Variants in MTURN observed in about 807,000 individuals in gnomAD.
The protein encoded by MTURN is maturin.
MTURN carries 7 observed loss-of-function variants against 14.9 expected under a neutral mutation model. The ratio of observed to expected loss-of-function variants is 0.47; its 90% confidence interval spans 0.27 to 0.88. The LOEUF (loss-of-function observed/expected upper bound fraction) is 0.88, where lower values mean the gene tolerates loss of function less well. Ranked by LOEUF, MTURN falls within the 40% of genes least tolerant of loss-of-function variation. MTURN has a pLI of 0.14. For missense variants in MTURN, 151 were observed against 174.1 expected (o/e 0.87, Z 0.75); for synonymous variants, 69 against 72.5 (o/e 0.95, Z 0.25).
Position 30,135,281 on chromosome 7 carries a change from G to A in MTURN, c.145G>A (p.Gly49Ser), listed in dbSNP as rs1411182190. 2 of 1,524,722 alleles carry A rather than the reference G, an allele frequency of 1.3e-6. No individual in the cohort carries two copies. Among genetic ancestry groups the A allele is most frequent in the East Asian group, 2.8e-5 (1 of 35,508 alleles). 94.4% of individuals were successfully genotyped at this position (1,524,722 alleles called of 1,614,324 possible). ...VSFYVLCPDN[G>S]CGDNFHVWSE... ...CTTCTATGTGCTGTGTCCGGACAAC[G>A]GCTGCGGCGACAATTTTGTGAGTGC... The change falls in exon 1 of 3, where the codon GGC (glycine) becomes AGC (serine). Residue 49 changes from glycine to serine, a missense_variant. By Grantham distance (56) the Gly-to-Ser change is moderately conservative. Coordinates refer to ENST00000324453, the MANE Select transcript of MTURN (RefSeq NM_152793.3).
chr7:30,137,524 G>C (rs952693682), intron 1 of MTURN: 1 of 441,198 alleles, frequency 2.3e-6, no homozygotes, highest in Non-Finnish European at 4.8e-6. Context: ...GCTTGAAAGT[G>C]TCATGTAAAC....
At position 30,159,418 on chromosome 7, in the gene MTURN, A is replaced by G. The variant is rs1286714895; in HGVS notation, c.*1870A>G. 2 of 152,220 alleles carry G rather than the reference A, an allele frequency of 1.3e-5. No individual in the cohort carries two copies. The highest frequency in any genetic ancestry group is 4.8e-5 in the African/African-American group (2 of 41,430). The allele number at this position is 152,220 out of a possible 1,614,324, so 9.4% of individuals were successfully genotyped here. On this transcript the variant is annotated 3_prime_UTR_variant, in exon 3 of 3. Transcript: ENST00000324453. ...TCTGCAAGTGAAATGAGGAAGCTTC[A>G]CTAGCTTGCTCCATTGGAAGGTAAA...
intron 2 of MTURN, among the ~76,000 whole-genome samples, chr7:30,150,838 C>G (rs546794272): frequency 6.6e-6 from 1 of 152,242 alleles, no homozygotes; most frequent in Admixed American, 6.5e-5. Flanking sequence ...TAGATCGGCT[C>G]TGCCCTGTTT....
At chr7:30,143,442 A>G (rs1797084437) in intron 1 of MTURN, among the ~76,000 whole-genome samples, 1 of 144,872 alleles carries the variant, frequency 6.9e-6, no homozygotes, top group African/African-American at 2.6e-5. Flanking sequence ...GCCTTGATTC[A>G]TTTTGAAAGG....
At chr7:30,149,144 T>C (rs2128032503) in intron 2 of MTURN, among the ~76,000 whole-genome samples, 1 of 152,266 alleles carries the variant, frequency 6.6e-6, no homozygotes, top group Middle Eastern at 3.4e-3. Flanking sequence ...CTAGCCACGT[T>C]AAATGAGGAA....
chr7:30,136,824 GGC>G (rs1258799349), intron 1 of MTURN, among the ~76,000 whole-genome samples: 2 of 152,146 alleles, frequency 1.3e-5, no homozygotes, highest in Admixed American at 1.3e-4. Context: ...CCAGCACCCA[GGC>G]GTTCATATAG....
At chr7:30,141,525 G>GT (rs1797053082) in intron 1 of MTURN, 1 of 151,890 alleles carries the variant, frequency 6.6e-6, no homozygotes, top group Non-Finnish European at 1.5e-5. Context: ...TCAGGGTTTT[G>GT]TTTTGGTATT....
Position 30,157,489 on chromosome 7 carries a change from G to A in MTURN, c.337G>A (p.Asp113Asn), listed in dbSNP as rs1339044150. 1.2e-5 allele frequency: 19 copies of A among 1,607,564 alleles called. No individual in the cohort carries two copies. Among genetic ancestry groups the A allele is most frequent in the Non-Finnish European group, 1.4e-5 (17 of 1,177,306 alleles). ...DDDAFEEYSA[D>N]VEEEEPEADH... ...CGATGCGTTTGAAGAGTACAGTGCT[G>A]ACGTGGAAGAAGAGGAGCCAGAGGC... Residue 113 changes from aspartate (D) to asparagine (N), a missense_variant, in exon 3 of 3, where the codon GAC (aspartate) becomes AAC (asparagine). By Grantham distance (23) the Asp-to-Asn change is conservative. Coordinates refer to ENST00000324453, the MANE Select transcript of MTURN (RefSeq NM_152793.3).
intron 1 of MTURN, among the ~76,000 whole-genome samples, chr7:30,139,384 T>C (rs1337575483): frequency 3.3e-5 from 5 of 152,176 alleles, no homozygotes; most frequent in Non-Finnish European, 5.9e-5. Flanking sequence ...TGGCAAACTT[T>C]ACTAACTTTT....
At chr7:30,136,787 A>G (rs907450334) in intron 1 of MTURN, among the ~76,000 whole-genome samples, 18 of 152,148 alleles carry the variant, frequency 1.2e-4, no homozygotes, top group African/African-American at 2.4e-5. Context: ...CTCAGTTTCC[A>G]CATCCAAAAA....
intron 2 of MTURN, among the ~76,000 whole-genome samples, chr7:30,150,364 T>C (rs1797189581): frequency 6.6e-6 from 1 of 152,022 alleles, no homozygotes; most frequent in Non-Finnish European, 1.5e-5. Flanking sequence ...ATTAGAAGGG[T>C]AAGTCAAAAG....
intron 1 of MTURN, 77 bp downstream of exon 1, chr7:30,135,375 G>C: frequency 6.0e-6 from 8 of 1,341,326 alleles, no homozygotes; most frequent in Non-Finnish European, 7.8e-6. Context: ...CCGAGCTCCC[G>C]CGCGGTGGGC....
intron 1 of MTURN, among the ~76,000 whole-genome samples, chr7:30,135,899 A>G (rs2128029065): frequency 6.6e-6 from 1 of 152,306 alleles, no homozygotes; most frequent in South Asian, 2.1e-4. Context: ...GCGATGCCCG[A>G]TCTCCTGGAC....
chr7:30,135,538 C>T (rs1796936219), intron 1 of MTURN, among the ~76,000 whole-genome samples: 1 of 151,736 alleles, frequency 6.6e-6, no homozygotes, highest in Non-Finnish European at 1.5e-5. Flanking sequence ...GGAGCCGGGT[C>T]GGGGCGGGAG....
Position 30,158,667 on chromosome 7 carries a change from C to G in MTURN, c.*1119C>G, listed in dbSNP as rs1274915860. ...GGTTAACAGGGAACGTTTTAATAAT[C>G]AAGATACTCAGACAACTCACAGAAA... On this transcript the variant is annotated 3_prime_UTR_variant, in exon 3 of 3. Transcript: ENST00000324453. The G allele has an allele frequency of 6.6e-6, 1 of 152,148 alleles. No individual in the cohort carries two copies. Among genetic ancestry groups the G allele is most frequent in the Non-Finnish European group, 1.5e-5 (1 of 68,020 alleles). 9.4% of individuals were successfully genotyped at this position (152,148 alleles called of 1,614,324 possible). A position where few individuals can be genotyped will look rare whatever the true frequency, so the allele number is the denominator to read the frequency against.
chr7:30,134,990 C>T lies in MTURN; in HGVS notation c.-147C>T, dbSNP rs1201299709. The stretch of plus-strand genomic sequence containing the variant: ...TCCCCGGCCGCCGCCCGCCCCACTC[C>T]GCACCGCATGTAAACAGTCCCAGCC... On this transcript the variant is annotated 5_prime_UTR_variant, in exon 1 of 3. Coordinates refer to ENST00000324453, the MANE Select transcript of MTURN (RefSeq NM_152793.3). 6 of 577,480 alleles carry T rather than the reference C, an allele frequency of 1.0e-5. No individual in the cohort carries two copies. Among genetic ancestry groups the T allele is most frequent in the East Asian group, 1.3e-4 (1 of 7,830 alleles). The allele number at this position is 577,480 out of a possible 1,614,324, so 35.8% of individuals were successfully genotyped here.
intron 1 of MTURN, among the ~76,000 whole-genome samples, chr7:30,135,789 C>T (rs1222268991): frequency 1.3e-5 from 2 of 152,218 alleles, no homozygotes; most frequent in Admixed American, 1.3e-4. Context: ...GGTGCCCAGC[C>T]TCGGCTCCTC....
At chr7:30,135,433 C>CGCCCCGG in intron 1 of MTURN, 135 bp downstream of exon 1, 2 of 720,038 alleles carry the variant, frequency 2.8e-6, no homozygotes, top group Non-Finnish European at 3.6e-6. Flanking sequence ...CCGCGCCCCG[C>CGCCCCGG]GTGCTCCGCC....
chr7:30,157,439 T>C lies in MTURN; in HGVS notation c.287T>C (p.Leu96Ser), dbSNP rs1487927801. Residue 96 changes from leucine (L) to serine (S), a missense_variant and splice_region_variant, in exon 3 of 3, where the codon TTA becomes TCA. Coordinates refer to ENST00000324453, the MANE Select transcript of MTURN (RefSeq NM_152793.3). ...TTTTCTCTTGTTCTCTCCCTGTAGT[T>C]ACTGGGGCTTCCGGATGCAGATGAC... ...LEKVFKSFRP[L>S]LGLPDADDDA... is the part of the protein sequence containing the mutation. 1 of 1,596,332 alleles carries C rather than the reference T, an allele frequency of 6.3e-7. No individual in the cohort carries two copies. Among genetic ancestry groups the C allele is most frequent in the Non-Finnish European group, 8.5e-7 (1 of 1,172,696 alleles).
Sources: allele counts gnomAD v4.1 joint callset (sites outside exome capture counted in the v4.1 genomes callset), GRCh38; gene constraint gnomAD v4.1.1; transcripts MANE v1.5; gene names NCBI Gene and HGNC (gene_info 2026-07-23, HGNC 2026-07-21).